MUC5AC: variants seen among roughly 807,000 people sequenced by gnomAD.
MUC5AC encodes mucin-5AC.
MUC5AC carries 158 observed loss-of-function variants against 169.7 expected under a neutral mutation model. The observed-to-expected ratio is 0.93, with a 90% CI of 0.82 to 1.06. The LOEUF (loss-of-function observed/expected upper bound fraction) is 1.06, where lower values mean the gene tolerates loss of function less well. Ranked by LOEUF, MUC5AC falls within the 50% of genes least tolerant of loss-of-function variation. The pLI is 0.00. For synonymous variants in MUC5AC, 1,975 were observed against 1,237.0 expected (o/e 1.60, Z -12.52); for missense variants, 4,359 against 3,089.9 (o/e 1.41, Z -9.74).
Position 1,196,418 on chromosome 11 carries a change from AG to A in MUC5AC, c.15669del (p.Gln5223HisfsTer38). 1.3e-6 allele frequency: 1 copy of A among 764,984 alleles called. No homozygotes were observed. Among genetic ancestry groups the A allele is most frequent in the Non-Finnish European group, 2.4e-6 (1 of 417,810 alleles). 47.4% of individuals were successfully genotyped at this position (764,984 alleles called of 1,614,324 possible). On this transcript the variant is annotated frameshift_variant, in exon 38 of 49. Coordinates refer to ENST00000621226, the MANE Select transcript of MUC5AC (RefSeq NM_001304359.2). LOFTEE classifies it high-confidence loss of function. ...PFTCPADKVY[Q>X]PCGPSNPSYC... ...ACCTGCCCAGCCGACAAGGTGTACC[AG>A]CCCTGCGGCCCGAGCAACCCCTCCT...
chr11:1,180,584 T>G, intron 28 of MUC5AC, 68 bp downstream of exon 28: 1 of 398,836 alleles, frequency 2.5e-6, no homozygotes, highest in East Asian at 3.6e-5. Context: ...GGCCTGGGCT[T>G]TGGGTGGGGC....
At chr11:1,180,179 T>A (rs878866679) in intron 27 of MUC5AC, 29 bp downstream of exon 27, 206,227 of 397,716 alleles carry the variant, frequency 0.52, 56,752 homozygotes, top group Middle Eastern at 0.65. Flanking sequence ...GAGGGTGGCC[T>A]GGGCTCCGCC....
At chr11:1,196,094 T>C in intron 37 of MUC5AC, 40 bp downstream of exon 37, 1 of 744,820 alleles carries the variant, frequency 1.3e-6, no homozygotes, top group Non-Finnish European at 2.5e-6. Context: ...AAGTCGCTTG[T>C]GAGGGGCACA....
rs1451821065 is a variant in MUC5AC at position 1,168,502 on chromosome 11, G to T, written c.1517G>T (p.Ser506Ile). The T allele has an allele frequency of 6.4e-5, 100 of 1,573,286 alleles. No individual in the cohort carries two copies. Among genetic ancestry groups the T allele is most frequent in the Non-Finnish European group, 8.6e-5 (100 of 1,160,506 alleles). The change falls in exon 13 of 49, where the codon AGT (serine) becomes ATT (isoleucine). Residue 506 changes from serine to isoleucine, a missense_variant. Ser to Ile is a moderately radical substitution (Grantham distance 142). Transcript: ENST00000621226. ...GAQTVVVIKA[S>I]GEVFLNQIYT... The stretch of plus-strand genomic sequence containing the variant: ...CCTCAGGTGGTGGTGATCAAGGCCA[G>T]TGGGGAAGTGTTCCTGAACCAGATC...
rs897226849 is a variant in MUC5AC at position 1,182,285 on chromosome 11, G to A, written c.4140G>A (p.Pro1380=). The part of the protein sequence containing the change: ...TRLPTASASL[P]PVCGEKCLWS... ...TGCCCACAGCCTCTGCCTCACTGCC[G>A]CCGGTCTGTGGGGAAAAGTGCCTGT... is the stretch of plus-strand genomic sequence containing the variant. The change falls in exon 31 of 49, where the codon CCG becomes CCA. Residue 1380 remains proline (P), a synonymous_variant. Coordinates refer to ENST00000621226, the MANE Select transcript of MUC5AC (RefSeq NM_001304359.2). 4.0e-5 allele frequency: 16 copies of A among 398,540 alleles called. No individual in the cohort carries two copies. In the South Asian group the frequency reaches 7.6e-4, roughly 19 times the overall value. 24.7% of individuals were successfully genotyped at this position (398,540 alleles called of 1,614,324 possible). A position where few individuals can be genotyped will look rare whatever the true frequency, so the allele number is the denominator to read the frequency against.
rs1456712184 is a variant in MUC5AC, at chr11:1,190,435, C to T, written c.12290C>T (p.Thr4097Ile). 6.0e-5 allele frequency: 41 copies of T among 679,186 alleles called. No individual in the cohort carries two copies. Among genetic ancestry groups the T allele is most frequent in the Non-Finnish European group, 9.1e-5 (34 of 373,500 alleles). The allele number at this position is 679,186 out of a possible 1,614,324, so 42.1% of individuals were successfully genotyped here. The change falls in exon 31 of 49, where the codon ACA (threonine) becomes ATA (isoleucine). Residue 4097 changes from threonine (T) to isoleucine (I), a missense_variant. By Grantham distance (89) the Thr-to-Ile change is moderately conservative. Coordinates refer to ENST00000621226, the MANE Select transcript of MUC5AC (RefSeq NM_001304359.2). ...ACAACCACTTTGGTGACAACCAGCA[C>T]AACCTCCACTCCACAGACCAGCACA... ...SRTTTLVTTS[T>I]TSTPQTSTTS...
In MUC5AC at chr11:1,192,522, G is replaced by A; in HGVS notation, c.14377G>A (p.Ala4793Thr). The change falls in exon 31 of 49, where the codon GCA becomes ACA. Residue 4793 changes from alanine (A) to threonine (T), a missense_variant. Ala to Thr is a moderately conservative substitution (Grantham distance 58, BLOSUM62 0). Transcript: ENST00000621226. ...CAACGTGGCTGACCGGCTCTACCCT[G>A]CAGGTTCGTGAGTGTTTCTGGTGCA... ...FCNVADRLYPAGSTIYRHRDL... is the reference protein window; with the variant it reads ...FCNVADRLYPTGSTIYRHRDL... 3.9e-6 allele frequency: 3 copies of A among 764,226 alleles called. No individual in the cohort carries two copies. The highest frequency in any genetic ancestry group is 7.2e-6 in the Non-Finnish European group (3 of 417,172). The allele number at this position is 764,226 out of a possible 1,614,324, so 47.3% of individuals were successfully genotyped here. A position where few individuals can be genotyped will look rare whatever the true frequency, so the allele number is the denominator to read the frequency against.
chr11:1,184,808 C>T lies in MUC5AC; in HGVS notation c.6663C>T (p.Pro2221=), dbSNP rs1307392649. Residue 2221 remains proline, a synonymous_variant, in exon 31 of 49, where the codon CCC becomes CCT. Coordinates refer to ENST00000621226, the MANE Select transcript of MUC5AC (RefSeq NM_001304359.2). ...VLCCETPKGC[P]VTSTPVTAPS... The stretch of plus-strand genomic sequence containing the variant: ...GCTGCGAGACCCCCAAAGGCTGCCC[C>T]GTGACCTCCACACCTGTGACAGCTC... The T allele has an allele frequency of 5.8e-5, 38 of 650,714 alleles. No homozygotes were observed. Among genetic ancestry groups the T allele is most frequent in the South Asian group, 4.9e-4 (28 of 57,032 alleles). The allele number at this position is 650,714 out of a possible 1,614,324, so 40.3% of individuals were successfully genotyped here. A position where few individuals can be genotyped will look rare whatever the true frequency, so the allele number is the denominator to read the frequency against.
Position 1,158,049 on chromosome 11 carries a change from C to T in MUC5AC, c.50C>T (p.Ala17Val). 6.2e-7 allele frequency: 1 copy of T among 1,608,370 alleles called. No individual in the cohort carries two copies. The highest frequency in any genetic ancestry group is 1.1e-5 in the South Asian group (1 of 89,980). Residue 17 changes from alanine to valine, a missense_variant, in exon 1 of 49, where the codon GCT (alanine) becomes GTT (valine). Coordinates refer to ENST00000621226, the MANE Select transcript of MUC5AC (RefSeq NM_001304359.2). ...KLALLWALAL[A>V]LACTRHTGHA... is the part of the protein sequence containing the mutation. ...GCCCTGCTCTGGGCCCTGGCTCTCG[C>T]TCTGGCCTGCACCCGGCATACAGGT...
Position 1,185,452 on chromosome 11 carries a change from C to G in MUC5AC, c.7307C>G (p.Thr2436Arg), listed in dbSNP as rs1180500394. 206 of 729,488 alleles carry G rather than the reference C, an allele frequency of 2.8e-4. No individual in the cohort carries two copies. The East Asian group carries it at 4.7e-3, about 17-fold the overall frequency. 45.2% of individuals were successfully genotyped at this position (729,488 alleles called of 1,614,324 possible). A position where few individuals can be genotyped will look rare whatever the true frequency, so the allele number is the denominator to read the frequency against. Residue 2436 changes from threonine to arginine, a missense_variant, in exon 31 of 49, where the codon ACA becomes AGA. Physicochemically the swap from Thr to Arg is moderately conservative, Grantham distance 71. Coordinates refer to ENST00000621226, the MANE Select transcript of MUC5AC (RefSeq NM_001304359.2). Reference sequence around the variant, plus strand: ...ACAACCTCCAGTCCACAGACCAGCACAACCTCGGCTCCTACAACCAGCACA... The same window carrying G: ...ACAACCTCCAGTCCACAGACCAGCAGAACCTCGGCTCCTACAACCAGCACA... ...SSTTSSPQTSTTSAPTTSTTS... is the reference protein window; with the variant it reads ...SSTTSSPQTSRTSAPTTSTTS...
At chr11:1,161,072 C>G (rs926601920) in intron 2 of MUC5AC, among the ~76,000 whole-genome samples, 2 of 152,230 alleles carry the variant, frequency 1.3e-5, no homozygotes, top group Non-Finnish European at 2.9e-5. Context: ...CCATGTGGCT[C>G]GTGCTAGCGG....
At chr11:1,160,389 G>A (rs1860102907) in intron 1 of MUC5AC, among the ~76,000 whole-genome samples, 1 of 152,026 alleles carries the variant, frequency 6.6e-6, no homozygotes, top group African/African-American at 2.4e-5. Context: ...ATGGGGCCAG[G>A]CTGAGGAGAT....
At chr11:1,196,161 A>C in intron 37 of MUC5AC, 107 bp downstream of exon 37, 1 of 625,252 alleles carries the variant, frequency 1.6e-6, no homozygotes, top group Non-Finnish European at 2.9e-6. Flanking sequence ...GACCTGGAGG[A>C]GGAGGGGGCA....
intron 15 of MUC5AC, among the ~76,000 whole-genome samples, chr11:1,170,137 A>G (rs1590138396): frequency 1.1e-5 from 1 of 88,856 alleles, no homozygotes; most frequent in Non-Finnish European, 2.2e-5. Flanking sequence ...TCACTCACTC[A>G]CCCACTCACC....
chr11:1,195,793 T>C (rs1861256288), intron 36 of MUC5AC, 83 bp from the exon 37 acceptor site: 1 of 688,032 alleles, frequency 1.5e-6, no homozygotes, highest in Admixed American at 1.9e-5. Context: ...GCCTGGAGAC[T>C]GCCCTGAAGC....
At chr11:1,171,760 ACACT>A (rs1247202536) in intron 15 of MUC5AC, among the ~76,000 whole-genome samples, 6 of 39,296 alleles carry the variant, frequency 1.5e-4, no homozygotes, top group Non-Finnish European at 2.0e-4. Context: ...CACCCACTCA[ACACT>A]CACTCACCCA....
At chr11:1,196,769 G>T (rs762895761) in intron 39 of MUC5AC, 49 bp downstream of exon 39, 3 of 731,262 alleles carry the variant, frequency 4.1e-6, no homozygotes, top group Non-Finnish European at 7.5e-6. Context: ...CTGGGCCTGT[G>T]ACTGTTGGCC....
Position 1,165,370 on chromosome 11 carries a change from G to C in MUC5AC, c.1198G>C (p.Gly400Arg), listed in dbSNP as rs769551658. The change falls in exon 10 of 49, where the codon GGG becomes CGG. Residue 400 changes from glycine to arginine, a missense_variant. Transcript: ENST00000621226. ...PVSKCACVYN[G>R]AAYAPGATYS... is the part of the protein sequence containing the mutation. ...GTCAAAGTGTGCCTGCGTCTACAAC[G>C]GGGCTGCCTATGCCCCAGGGGCCAC... 5 of 1,612,448 alleles carry C rather than the reference G, an allele frequency of 3.1e-6. No homozygotes were observed. In the East Asian group the frequency reaches 1.1e-4, roughly 36 times the overall value.
chr11:1,195,908 C>A lies in MUC5AC; in HGVS notation c.15491C>A (p.Pro5164Gln), dbSNP rs1037104720. Residue 5164 changes from proline (P) to glutamine (Q), a missense_variant, in exon 37 of 49, where the codon CCA becomes CAA. Transcript: ENST00000621226. ...GAGCCGTGCCACACTGTGATCCCCC[C>A]ACTGCTGTTCTATGAGGGCTGCGTC... ...VFEPCHTVIP[P>Q]LLFYEGCVFD... 1.3e-6 allele frequency: 1 copy of A among 764,866 alleles called. No individual in the cohort carries two copies. The highest frequency in any genetic ancestry group is 2.4e-6 in the Non-Finnish European group (1 of 417,790). 47.4% of individuals were successfully genotyped at this position (764,866 alleles called of 1,614,324 possible). A position where few individuals can be genotyped will look rare whatever the true frequency, so the allele number is the denominator to read the frequency against.
Sources: gnomAD v4.1 joint callset for allele counts (sites outside exome capture counted in the v4.1 genomes callset) on GRCh38, gnomAD v4.1.1 for gene constraint, MANE v1.5 for transcripts, NCBI Gene and HGNC (gene_info 2026-07-23, HGNC 2026-07-21) for gene names.